TRIM35: variants seen among roughly 807,000 people sequenced by gnomAD.
TRIM35 encodes the protein E3 ubiquitin-protein ligase TRIM35.
In TRIM35, 37 loss-of-function variants were observed where a neutral mutation model predicts 49.1. The ratio of observed to expected loss-of-function variants is 0.75; its 90% confidence interval spans 0.58 to 0.99. TRIM35 has a LOEUF of 0.99. Among genes scored for constraint, TRIM35 ranks in the 50% least tolerant of loss-of-function variants. The pLI is 0.00. For missense variants in TRIM35, 648 were observed against 702.7 expected (o/e 0.92, Z 0.88); for synonymous variants, 302 against 289.3 (o/e 1.04, Z -0.45).
intron 2 of TRIM35, among the ~76,000 whole-genome samples, chr8:27,295,938 A>G (rs972862903): frequency 6.6e-6 from 1 of 152,252 alleles, no homozygotes; most frequent in Non-Finnish European, 1.5e-5. Flanking sequence ...CACTCTTACA[A>G]ATCCACTAAG....
In TRIM35 at chr8:27,287,779, G is replaced by A. The variant is rs766348852; in HGVS notation, c.1253C>T (p.Ser418Leu). Residue 418 changes from serine (S) to leucine (L), a missense_variant, in exon 6 of 6, where the codon TCG becomes TTG. Transcript: ENST00000305364. This position sits in a 1 kb window ranked among gnomAD's most constrained non-coding sequence, Gnocchi z 6.0. ...DHCVTSDPATSPLVLAIPRRL... is the reference protein window; with the variant it reads ...DHCVTSDPATLPLVLAIPRRL... ...GCGTGGGATGGCCAGGACCAGGGGCGACGTGGCTGGGTCCGAGGTCACGCA... is the reference window on the plus strand; with the variant it reads ...GCGTGGGATGGCCAGGACCAGGGGCAACGTGGCTGGGTCCGAGGTCACGCA... 8.1e-6 allele frequency: 13 copies of A among 1,610,180 alleles called. No individual in the cohort carries two copies. The highest frequency in any genetic ancestry group is 4.5e-5 in the East Asian group (2 of 44,692).
At chr8:27,302,388 A>G (rs1330062552) in intron 1 of TRIM35, among the ~76,000 whole-genome samples, 1 of 152,070 alleles carries the variant, frequency 6.6e-6, no homozygotes, top group Non-Finnish European at 1.5e-5. Context: ...CTTATTTTTT[A>G]TATTATTGTA....
intron 1 of TRIM35, among the ~76,000 whole-genome samples, chr8:27,300,797 C>G (rs1248494827): frequency 4.6e-5 from 7 of 152,054 alleles, no homozygotes; most frequent in Admixed American, 3.9e-4. Context: ...AATGTCATTC[C>G]AATGTTTTAT....
intron 2 of TRIM35, among the ~76,000 whole-genome samples, chr8:27,295,578 C>T (rs137871481): frequency 6.6e-6 from 1 of 152,314 alleles, no homozygotes; most frequent in Non-Finnish European, 1.5e-5. Flanking sequence ...TCACATTAGC[C>T]TACACTTGGG....
At chr8:27,295,661 C>T (rs898666575) in intron 2 of TRIM35, among the ~76,000 whole-genome samples, 1 of 152,094 alleles carries the variant, frequency 6.6e-6, no homozygotes, top group African/African-American at 2.4e-5. Context: ...GAATACTGTA[C>T]TGAAGGGGAA....
At chr8:27,305,099 G>A (rs1802757183) in intron 1 of TRIM35, among the ~76,000 whole-genome samples, 1 of 152,218 alleles carries the variant, frequency 6.6e-6, no homozygotes, top group Non-Finnish European at 1.5e-5. Flanking sequence ...TCAAAGGACT[G>A]CTGTGAGGAC....
At position 27,310,947 on chromosome 8, in the gene TRIM35, A is replaced by C; in HGVS notation, c.289T>G (p.Phe97Val). 1 of 1,612,666 alleles carries C rather than the reference A, an allele frequency of 6.2e-7. No individual in the cohort carries two copies. Among genetic ancestry groups the C allele is most frequent in the East Asian group, 2.2e-5 (1 of 44,856 alleles). Reference protein sequence around the residue: ...AEGARWTSYRFSRVCRLHRGQ... With the variant: ...AEGARWTSYRVSRVCRLHRGQ... ...CGGTGCAGGCGGCAGACACGCGAGA[A>C]GCGGTAGCTGGTCCAGCGCGCGCCC... is the stretch of plus-strand genomic sequence containing the variant. Residue 97 changes from phenylalanine to valine, a missense_variant, in exon 1 of 6, where the codon TTC becomes GTC. By Grantham distance (50) the Phe-to-Val change is conservative. Coordinates refer to ENST00000305364, the MANE Select transcript of TRIM35 (RefSeq NM_171982.5).
chr8:27,308,334 A>C (rs923603560), intron 1 of TRIM35, among the ~76,000 whole-genome samples: 32 of 152,246 alleles, frequency 2.1e-4, no homozygotes, highest in African/African-American at 7.7e-4. Flanking sequence ...GTGAGCACTG[A>C]AATGTGTTAG....
chr8:27,304,593 T>G (rs920504806), intron 1 of TRIM35, among the ~76,000 whole-genome samples: 2 of 152,218 alleles, frequency 1.3e-5, no homozygotes, highest in African/African-American at 4.8e-5. Flanking sequence ...CTCTCTACCT[T>G]GCATAGTGGT....
At chr8:27,305,913 T>C (rs567406333) in intron 1 of TRIM35, among the ~76,000 whole-genome samples, 35 of 152,292 alleles carry the variant, frequency 2.3e-4, no homozygotes, top group African/African-American at 7.2e-4. Flanking sequence ...CATAGCTCAC[T>C]GCACCCTCGA....
chr8:27,303,161 T>C (rs553998900), intron 1 of TRIM35, among the ~76,000 whole-genome samples: 1 of 152,244 alleles, frequency 6.6e-6, no homozygotes, highest in Non-Finnish European at 1.5e-5. Flanking sequence ...TTATCAAATG[T>C]TTTCTCACTG....
rs893956370 is a variant in TRIM35, at chr8:27,310,812, G to A, written c.424C>T (p.His142Tyr). 6.3e-7 allele frequency: 1 copy of A among 1,596,740 alleles called. No individual in the cohort carries two copies. The change falls in exon 1 of 6, where the codon CAC becomes TAC. Residue 142 changes from histidine to tyrosine, a missense_variant. Transcript: ENST00000305364. ...ATCGCTGCTCTTACCCGAAAGTCGT[G>A]GGCAGTGTCCTTCACCGGCTGCACG... ...HRVQPVKDTAHDFRAKCRNME... is the reference protein window; with the variant it reads ...HRVQPVKDTAYDFRAKCRNME...
intron 3 of TRIM35, among the ~76,000 whole-genome samples, chr8:27,293,477 G>T (rs1802497007): frequency 6.6e-6 from 1 of 151,960 alleles, no homozygotes; most frequent in Non-Finnish European, 1.5e-5. Flanking sequence ...GATTTTAAAA[G>T]AATTCATCTT....
At chr8:27,299,955 A>G (rs1802649864) in intron 1 of TRIM35, among the ~76,000 whole-genome samples, 3 of 152,182 alleles carry the variant, frequency 2.0e-5, no homozygotes, top group Non-Finnish European at 4.4e-5. Flanking sequence ...GTTTCTAACC[A>G]AAAGAATGTG....
chr8:27,290,087 C>T (rs1802421810), intron 4 of TRIM35, 69 bp downstream of exon 4: 6 of 1,589,026 alleles, frequency 3.8e-6, no homozygotes, highest in Non-Finnish European at 4.3e-6. Context: ...GCCCCGGGGC[C>T]ACTGGAGTTT....
chr8:27,304,544 A>G (rs1802744246), intron 1 of TRIM35, among the ~76,000 whole-genome samples: 2 of 152,210 alleles, frequency 1.3e-5, no homozygotes, highest in African/African-American at 4.8e-5. Flanking sequence ...CCAGGGTAAT[A>G]GCTTCTCTTT....
intron 3 of TRIM35, 53 bp from the exon 4 acceptor site, chr8:27,290,231 GTA>G (rs1411230661): frequency 2.5e-6 from 4 of 1,580,236 alleles, no homozygotes; most frequent in Non-Finnish European, 3.5e-6. Context: ...TAGAGGAAAT[GTA>G]TATGTTTCTG....
chr8:27,311,022 T>C lies in TRIM35; in HGVS notation c.214A>G (p.Asn72Asp). 6.2e-7 allele frequency: 1 copy of C among 1,609,486 alleles called. No individual in the cohort carries two copies. Among genetic ancestry groups the C allele is most frequent in the Non-Finnish European group, 8.5e-7 (1 of 1,178,222 alleles). Residue 72 changes from asparagine to aspartate, a missense_variant, in exon 1 of 6, where the codon AAC becomes GAC. By Grantham distance (23) the Asn-to-Asp change is conservative. Coordinates refer to ENST00000305364, the MANE Select transcript of TRIM35 (RefSeq NM_171982.5). Reference protein sequence around the residue: ...DRASPADLRTNHTLNNLVEKL... With the variant: ...DRASPADLRTDHTLNNLVEKL... Reference sequence around the variant, plus strand: ...TCCACCAGGTTGTTGAGGGTGTGGTTGGTGCGCAGGTCGGCGGGTGACGCG... The same window carrying C: ...TCCACCAGGTTGTTGAGGGTGTGGTCGGTGCGCAGGTCGGCGGGTGACGCG...
intron 1 of TRIM35, among the ~76,000 whole-genome samples, chr8:27,300,033 T>A (rs559388114): frequency 1.3e-5 from 2 of 152,344 alleles, no homozygotes; most frequent in African/African-American, 4.8e-5. Flanking sequence ...TTCCTCTCTC[T>A]AGCTTGCTCA....
Sources: gnomAD v4.1 joint callset for allele counts (sites outside exome capture counted in the v4.1 genomes callset) on GRCh38, gnomAD v4.1.1 for gene constraint, Gnocchi (gnomAD v3.1) non-coding constraint, MANE v1.5 for transcripts, NCBI Gene and HGNC (gene_info 2026-07-23, HGNC 2026-07-21) for gene names.